The following UBR4 variants were observed in gnomAD, a reference collection of about 807,000 sequenced individuals.
UBR4 encodes the protein ubiquitin protein ligase E3 component n-recognin 4.
In UBR4, 124 loss-of-function variants were observed where a neutral mutation model predicts 575.6. The ratio of observed to expected loss-of-function variants is 0.22; its 90% CI spans 0.19 to 0.25. The LOEUF (loss-of-function observed/expected upper bound fraction) is 0.25. Among genes scored for constraint, UBR4 ranks in the 10% least tolerant of loss-of-function variants. The pLI, the probability that UBR4 is intolerant of heterozygous loss-of-function variation, is 1.00. For synonymous variants in UBR4, 2,455 were observed against 2,473.7 expected (o/e 0.99, Z 0.22); for missense variants, 4,818 against 6,478.8 (o/e 0.74, Z 8.80).
rs1268285294 is a variant in UBR4, at chr1:19,173,072, C to T, written c.3313G>A (p.Asp1105Asn). 8.7e-6 allele frequency: 14 copies of T among 1,613,948 alleles called. No homozygotes were observed. Among genetic ancestry groups the T allele is most frequent in the Non-Finnish European group, 1.2e-5 (14 of 1,180,022 alleles). ...TGCAGCTGCAAGATGGTGGTACAGT[C>T]GATACTACAGAAGGATGAGATCTTT... ...ARQISSFCSI[D>N]CTTILQLHEI... is the part of the protein sequence containing the mutation. The change falls in exon 25 of 106, where the codon GAC (aspartate) becomes AAC (asparagine). Residue 1105 changes from aspartate to asparagine, a missense_variant. Physicochemically the swap from Asp to Asn is conservative, Grantham distance 23 (BLOSUM62 1). Around this residue, in one of 29 missense-constraint regions of UBR4, gnomAD observed 1,172 missense variants for 1,259.7 expected, o/e 0.93. Transcript: ENST00000375254.
intron 86 of UBR4, 53 bp from the exon 87 acceptor site, chr1:19,104,310 C>T: frequency 5.0e-6 from 8 of 1,588,822 alleles, no homozygotes; most frequent in Non-Finnish European, 6.9e-6. Context: ...AACATAAGGA[C>T]AGTCTGTGTC....
intron 15 of UBR4, 119 bp from the exon 16 acceptor site, chr1:19,184,294 A>T (rs2091311328): frequency 9.1e-7 from 1 of 1,093,106 alleles, no homozygotes. Flanking sequence ...AAACACAATG[A>T]ATGAAAGAAT....
Position 19,156,319 on chromosome 1 carries a change from T to C in UBR4, c.6024A>G (p.Leu2008=), listed in dbSNP as rs577974034. 1 of 1,614,174 alleles carries C rather than the reference T, an allele frequency of 6.2e-7. No homozygotes were observed. The change falls in exon 42 of 106, where the codon TTA becomes TTG. Residue 2008 remains leucine (L), a synonymous_variant. Transcript: ENST00000375254. ...TTGCTAACTCGGTCTGTGAACCAGG[T>C]AACCACACGGCTTTGATGATGAAGT... is the stretch of plus-strand genomic sequence containing the variant. ...TGNFIIKAVW[L]PGSQTELAIV...
intron 11 of UBR4, among the ~76,000 whole-genome samples, chr1:19,189,181 C>T (rs1308072837): frequency 6.6e-6 from 1 of 151,694 alleles, no homozygotes; most frequent in Non-Finnish European, 1.5e-5. Flanking sequence ...CTAATGATGC[C>T]CATTGTCAAA....
In UBR4 at chr1:19,165,614, C is replaced by T. The variant is rs769364889; in HGVS notation, c.4211+42G>A. The T allele has an allele frequency of 3.8e-6, 6 of 1,574,652 alleles. No homozygotes were observed. The African/African-American group carries it at 5.4e-5, about 14-fold the overall frequency. On this transcript the variant is annotated intron_variant, in intron 30 of 105. Coordinates refer to ENST00000375254, the MANE Select transcript of UBR4 (RefSeq NM_020765.3). ...TATATAGCTCCTTGCTTTCAAGAGG[C>T]ATTCAAAAAATATTCACTGAATAAA...
Position 19,157,076 on chromosome 1 carries a change from CT to C in UBR4, c.5761-152del. The C allele has an allele frequency of 1.2e-6, 1 of 812,202 alleles. No homozygotes were observed. The highest frequency in any genetic ancestry group is 1.9e-6 in the Non-Finnish European group (1 of 539,076). 50.3% of individuals were successfully genotyped at this position (812,202 alleles called of 1,614,324 possible). A position where few individuals can be genotyped will look rare whatever the true frequency, so the allele number is the denominator to read the frequency against. On this transcript the variant is annotated intron_variant, in intron 40 of 105. Transcript: ENST00000375254. The surrounding 1 kb of genome is among the most constrained non-coding windows in gnomAD (Gnocchi z 4.4). ...TAGAAAATCCTAGATCAGTATTAGT[CT>C]CTATTACTCCTGGCTAAAAGCTATG...
In UBR4 at chr1:19,076,801, C is replaced by G; in HGVS notation, c.15426G>C (p.Leu5142=). 1.2e-6 allele frequency: 2 copies of G among 1,613,992 alleles called. No individual in the cohort carries two copies. Among genetic ancestry groups the G allele is most frequent in the South Asian group, 2.2e-5 (2 of 91,062 alleles). The change falls in exon 105 of 106, where the codon CTG becomes CTC. Residue 5142 remains leucine, a synonymous_variant. Coordinates refer to ENST00000375254, the MANE Select transcript of UBR4 (RefSeq NM_020765.3). ...MPIYEAADKA[L]KTFQEEFMPV... is the part of the protein sequence containing the mutation. ...GCATGAACTCCTCCTGGAAGGTTTT[C>G]AGGGCTTTGTCGGCAGCTTCGTAGA...
At chr1:19,082,808 T>C (rs566326693) in intron 102 of UBR4, among the ~76,000 whole-genome samples, 1 of 152,314 alleles carries the variant, frequency 6.6e-6, no homozygotes, top group South Asian at 2.1e-4. Context: ...TCTGAGGCTG[T>C]TGGCTGCTGC....
At chr1:19,118,069 A>C in intron 71 of UBR4, 159 bp from the exon 72 acceptor site, 1 of 614,246 alleles carries the variant, frequency 1.6e-6, no homozygotes, top group Non-Finnish European at 2.9e-6. Context: ...AGAAATCCCA[A>C]TAGGGTTACG....
In UBR4 at chr1:19,110,854, G is replaced by A; in HGVS notation, c.11802-22C>T. On this transcript the variant is annotated intron_variant, in intron 78 of 105. Coordinates refer to ENST00000375254, the MANE Select transcript of UBR4 (RefSeq NM_020765.3). This position sits in a 1 kb window ranked among gnomAD's most constrained non-coding sequence, Gnocchi z 4.5. ...GTCTCTGCAGAAGCAAATAGAAATG[G>A]AGTCCTATAATTCACAATCAGGTGT... The A allele has an allele frequency of 6.2e-7, 1 of 1,609,310 alleles. No homozygotes were observed. The highest frequency in any genetic ancestry group is 8.5e-7 in the Non-Finnish European group (1 of 1,176,612).
intron 65 of UBR4, 90 bp from the exon 66 acceptor site, chr1:19,123,150 G>GT: frequency 1.4e-6 from 2 of 1,390,978 alleles, no homozygotes; most frequent in Non-Finnish European, 9.9e-7. Flanking sequence ...TTAATAAACT[G>GT]TTATTAAAAG....
Position 19,110,232 on chromosome 1 carries a change from G to A in UBR4, c.11978-9C>T. The stretch of plus-strand genomic sequence containing the variant: ...GAGGAAAAGGCTGAGAGCTAGGGAT[G>A]GTCAGGAAAGGCAGAGTCACAATCA... On this transcript the variant is annotated splice_polypyrimidine_tract_variant and intron_variant, in intron 80 of 105. Transcript: ENST00000375254. This position sits in a 1 kb window ranked among gnomAD's most constrained non-coding sequence, Gnocchi z 4.5. 6.2e-7 allele frequency: 1 copy of A among 1,614,186 alleles called. No homozygotes were observed. Among genetic ancestry groups the A allele is most frequent in the Non-Finnish European group, 8.5e-7 (1 of 1,180,038 alleles).
rs1571603177 is a variant in UBR4 at position 19,185,655 on chromosome 1, C to T, written c.1751-369G>A. Among the ~76,000 whole-genome samples the T allele has an allele frequency of 4.0e-5, 6 of 151,004 alleles. No individual in the cohort carries two copies. In the South Asian group the frequency reaches 1.3e-3, roughly 31 times the overall value. On this transcript the variant is annotated intron_variant, in intron 14 of 105. Transcript: ENST00000375254. ...GTGGTGCAATATTGGCTCGCCGCAACCTCCACCTCCCAGGTTCAAGCGATT... is the reference window on the plus strand; with the variant it reads ...GTGGTGCAATATTGGCTCGCCGCAATCTCCACCTCCCAGGTTCAAGCGATT...
intron 97 of UBR4, among the ~76,000 whole-genome samples, chr1:19,090,057 T>C (rs1409005033): frequency 6.6e-6 from 1 of 152,242 alleles, no homozygotes; most frequent in Non-Finnish European, 1.5e-5. Flanking sequence ...CATAGTCTAA[T>C]GAACTCTCCT....
Position 19,110,050 on chromosome 1 carries a change from G to GAT in UBR4, c.12105+45_12105+46insAT. 1 of 1,611,122 alleles carries GAT rather than the reference G, an allele frequency of 6.2e-7. No homozygotes were observed. The highest frequency in any genetic ancestry group is 8.5e-7 in the Non-Finnish European group (1 of 1,178,996). On this transcript the variant is annotated intron_variant, in intron 81 of 105. Coordinates refer to ENST00000375254, the MANE Select transcript of UBR4 (RefSeq NM_020765.3). This position sits in a 1 kb window ranked among gnomAD's most constrained non-coding sequence, Gnocchi z 4.5. ...GGCACACTGCCAGGGAATGAGGAGG[G>GAT]TGGCCGCCCTGCCCTTCCTTGTTAG...
At position 19,173,161 on chromosome 1, in the gene UBR4, T is replaced by C. The variant is rs1423790145; in HGVS notation, c.3291+20A>G. 1.9e-6 allele frequency: 3 copies of C among 1,614,158 alleles called. No individual in the cohort carries two copies. Among genetic ancestry groups the C allele is most frequent in the Non-Finnish European group, 2.5e-6 (3 of 1,179,986 alleles). ...ATGGTAGAAACCAAGTTCTATCATT[T>C]AGGTTCCAATATTACATACCTGTCG... On this transcript the variant is annotated intron_variant, in intron 24 of 105. Transcript: ENST00000375254.
Position 19,192,252 on chromosome 1 carries a change from C to G in UBR4, c.1330G>C (p.Val444Leu), listed in dbSNP as rs765016984. The G allele has an allele frequency of 6.2e-7, 1 of 1,614,206 alleles. No individual in the cohort carries two copies. Among genetic ancestry groups the G allele is most frequent in the Non-Finnish European group, 8.5e-7 (1 of 1,180,042 alleles). The change falls in exon 11 of 106, where the codon GTC (valine) becomes CTC (leucine). Residue 444 changes from valine (V) to leucine (L), a missense_variant. Physicochemically the swap from Val to Leu is conservative, Grantham distance 32. Transcript: ENST00000375254. ...TTAGTACGAGAAAGGATGTCTCTGA[C>G]TCGGAGGGCAGCCAGTGGGTCCTTC... ...KEKDPLAALRVRDILSRTKEG... is the reference protein window; with the variant it reads ...KEKDPLAALRLRDILSRTKEG...
At chr1:19,107,700 G>A (rs2079379718) in intron 81 of UBR4, among the ~76,000 whole-genome samples, 1 of 151,978 alleles carries the variant, frequency 6.6e-6, no homozygotes, top group Non-Finnish European at 1.5e-5. Flanking sequence ...CAGGAGGATT[G>A]CTTGCACCCA....
chr1:19,180,200 T>A lies in UBR4; in HGVS notation c.2185-980A>T, dbSNP rs139010515. On this transcript the variant is annotated intron_variant, in intron 17 of 105. Transcript: ENST00000375254. ...AACCATGTTCTTTATTTATTTATTT[T>A]TTTTTTGAGATAGAGTCTCACTCCA... 8.6e-5 allele frequency among the ~76,000 whole-genome samples: 13 copies of A among 152,012 alleles called. No homozygotes were observed. The South Asian group carries it at 1.0e-3, about 12-fold the overall frequency.
Sources: gnomAD v4.1 joint callset for allele counts (sites outside exome capture counted in the v4.1 genomes callset) on GRCh38, gnomAD v4.1.1 for gene constraint, gnomAD v4.1.1 regional missense constraint, Gnocchi (gnomAD v3.1) non-coding constraint, MANE v1.5 for transcripts, NCBI Gene and HGNC (gene_info 2026-07-23, HGNC 2026-07-21) for gene names.